CPED1: variants seen among roughly 807,000 people sequenced by gnomAD.
The protein encoded by CPED1 is cadherin like and PC-esterase domain containing 1, also known as cadherin-like and PC-esterase domain-containing protein 1.
A neutral mutation model predicts 128.2 loss-of-function variants in CPED1; 114 were observed. The ratio of observed to expected loss-of-function variants is 0.89; its 90% confidence interval spans 0.76 to 1.04. The LOEUF is 1.04. Among genes scored for constraint, CPED1 ranks in the 50% least tolerant of loss-of-function variants. The pLI is 0.00. For missense variants in CPED1, 1,211 were observed against 1,207.1 expected, an observed-to-expected ratio of 1.00 and a Z score of -0.05; for synonymous variants, 462 against 426.7, an observed-to-expected ratio of 1.08 and a Z score of -1.02.
intron 22 of CPED1, among the ~76,000 whole-genome samples, chr7:121,289,638 T>A (rs567066002): frequency 6.6e-6 from 1 of 152,306 alleles, no homozygotes; most frequent in Non-Finnish European, 1.5e-5. Context: ...TGAAAAAATA[T>A]GTACCTAAAT....
Position 121,121,421 on chromosome 7 carries a change from C to T in CPED1, c.919-2910C>T, listed in dbSNP as rs146960984. On this transcript the variant is annotated intron_variant, in intron 7 of 22. Transcript: ENST00000310396. ...ATGATGCATTAGCTGACTGGTTTTA[C>T]GACCATGATCTTATGAGGTCATTTT... Among the ~76,000 whole-genome samples the T allele has an allele frequency of 4.9e-3, 751 of 152,216 alleles. 5 individuals are homozygous for T. The highest frequency in any genetic ancestry group is 0.02 in the Middle Eastern group (6 of 294).
intron 16 of CPED1, among the ~76,000 whole-genome samples, chr7:121,168,193 G>A (rs1442144076): frequency 1.3e-5 from 2 of 152,134 alleles, no homozygotes; most frequent in Non-Finnish European, 2.9e-5. Context: ...TTAATATGCT[G>A]AGAATGTTGC....
chr7:121,132,289 C>A (rs1032258038), intron 12 of CPED1, among the ~76,000 whole-genome samples: 1 of 152,056 alleles, frequency 6.6e-6, no homozygotes, highest in East Asian at 1.9e-4. Flanking sequence ...AGCCTTCTCA[C>A]CAATGGTCCA....
chr7:121,134,953 T>A (rs908774147), intron 13 of CPED1, among the ~76,000 whole-genome samples: 4 of 151,944 alleles, frequency 2.6e-5, no homozygotes, highest in Non-Finnish European at 5.9e-5. Flanking sequence ...ATTAAAAAAA[T>A]AGAGTTCATT....
intron 3 of CPED1, among the ~76,000 whole-genome samples, chr7:121,037,011 T>C (rs142954065): frequency 9.0e-4 from 137 of 152,296 alleles, no homozygotes; most frequent in African/African-American, 3.2e-3. Flanking sequence ...TGCTGATTTG[T>C]TTGAGTTCCT....
intron 16 of CPED1, among the ~76,000 whole-genome samples, chr7:121,167,540 A>G (rs948282792): frequency 5.9e-5 from 9 of 152,234 alleles, no homozygotes; most frequent in African/African-American, 2.2e-4. Flanking sequence ...AAAGGATCAC[A>G]GCATAAAGTC....
At chr7:121,047,674 T>C (rs113533877) in intron 4 of CPED1, among the ~76,000 whole-genome samples, 1,220 of 11,818 alleles carry the variant, frequency 0.1, 6 homozygotes, top group African/African-American at 0.15. Context: ...CTTCTTCTTC[T>C]TCTTCTTCTT....
chr7:121,069,374 T>G (rs948102772), intron 5 of CPED1, among the ~76,000 whole-genome samples: 2 of 152,158 alleles, frequency 1.3e-5, no homozygotes, highest in Non-Finnish European at 2.9e-5. Context: ...CTGTGCCTTT[T>G]CCCCATATAG....
intron 16 of CPED1, among the ~76,000 whole-genome samples, chr7:121,192,097 A>G (rs1315919270): frequency 6.6e-6 from 1 of 152,140 alleles, no homozygotes; most frequent in Non-Finnish European, 1.5e-5. Flanking sequence ...CTTTGCCATT[A>G]TATTTGAATC....
chr7:121,228,835 C>T (rs571133498), intron 16 of CPED1, among the ~76,000 whole-genome samples: 7 of 152,000 alleles, frequency 4.6e-5, no homozygotes, highest in East Asian at 1.9e-4. Context: ...GTAGCAACAT[C>T]GATGGAACTG....
intron 22 of CPED1, among the ~76,000 whole-genome samples, chr7:121,290,456 T>A (rs1192753543): frequency 1.3e-5 from 2 of 152,214 alleles, no homozygotes; most frequent in Non-Finnish European, 2.9e-5. Flanking sequence ...CTCCACATCC[T>A]CTCCAGCATC....
chr7:121,007,982 C>CT (rs367945948), intron 2 of CPED1, among the ~76,000 whole-genome samples: 24 of 81,080 alleles, frequency 3.0e-4, no homozygotes, highest in Admixed American at 2.1e-3. Flanking sequence ...CTTTTCTTTT[C>CT]TTTCTTTCTT....
intron 4 of CPED1, among the ~76,000 whole-genome samples, chr7:121,054,423 G>C (rs1311077871): frequency 6.6e-6 from 1 of 152,068 alleles, no homozygotes; most frequent in Non-Finnish European, 1.5e-5. Context: ...TTTCAGAATT[G>C]TTAACCTATA....
intron 16 of CPED1, among the ~76,000 whole-genome samples, chr7:121,223,609 G>A (rs1446960963): frequency 6.6e-6 from 1 of 151,976 alleles, no homozygotes; most frequent in Non-Finnish European, 1.5e-5. Context: ...TTGGTTGGTA[G>A]GCTATTAATT....
At chr7:121,003,137 AT>A (rs928469941) in intron 2 of CPED1, among the ~76,000 whole-genome samples, 1 of 152,088 alleles carries the variant, frequency 6.6e-6, no homozygotes, top group African/African-American at 2.4e-5. Flanking sequence ...CTTCTTTCGT[AT>A]TTTCCATTCA....
intron 16 of CPED1, among the ~76,000 whole-genome samples, chr7:121,182,022 T>A (rs1329425947): frequency 6.6e-6 from 1 of 152,094 alleles, no homozygotes; most frequent in Non-Finnish European, 1.5e-5. Flanking sequence ...GACATTTGTG[T>A]CTATATCAGC....
chr7:121,036,659 G>A (rs1585031874), intron 3 of CPED1, among the ~76,000 whole-genome samples: 1 of 152,018 alleles, frequency 6.6e-6, no homozygotes. Flanking sequence ...ATACCTAGTA[G>A]TGGGATGGCT....
chr7:120,991,294 CA>C (rs1237876830), intron 2 of CPED1, among the ~76,000 whole-genome samples: 7 of 152,146 alleles, frequency 4.6e-5, no homozygotes, highest in African/African-American at 1.4e-4. Context: ...AATGAAACTG[CA>C]ACTGAAATTG....
At chr7:121,194,042 A>ATTT (rs1438530189) in intron 16 of CPED1, among the ~76,000 whole-genome samples, 7 of 107,364 alleles carry the variant, frequency 6.5e-5, no homozygotes, top group African/African-American at 1.1e-4. Context: ...ATATATATAT[A>ATTT]TATATATTTT....
Sources: allele counts gnomAD v4.1 joint callset (sites outside exome capture counted in the v4.1 genomes callset), GRCh38; gene constraint gnomAD v4.1.1; transcripts MANE v1.5; gene names NCBI Gene and HGNC (gene_info 2026-07-23, HGNC 2026-07-21).